The following ITGA6 variants were observed in gnomAD, a reference collection of about 807,000 sequenced individuals.
The protein encoded by ITGA6 is integrin subunit alpha 6, also known as integrin alpha-6.
A neutral mutation model predicts 133.6 loss-of-function variants in ITGA6; 63 were observed. That is an observed-to-expected ratio of 0.47 (90% confidence interval 0.38 to 0.58). The LOEUF (loss-of-function observed/expected upper bound fraction) is 0.58, where lower values mean the gene tolerates loss of function less well. Ranked by LOEUF, ITGA6 falls within the 20% of genes least tolerant of loss-of-function variation. ITGA6 has a pLI of 0.00. For synonymous variants in ITGA6, 434 were observed against 482.0 expected (o/e 0.90, Z 1.30); for missense variants, 1,068 against 1,309.4 (o/e 0.82, Z 2.85).
At chr2:172,441,819 TACAG>T (rs1446630507) in intron 1 of ITGA6, among the ~76,000 whole-genome samples, 4 of 152,210 alleles carry the variant, frequency 2.6e-5, no homozygotes, top group Non-Finnish European at 5.9e-5. Context: ...TGCAGCCAGC[TACAG>T]ACAGAGCTGT....
chr2:172,454,685 A>C (rs779036581), intron 1 of ITGA6, among the ~76,000 whole-genome samples: 1 of 152,186 alleles, frequency 6.6e-6, no homozygotes. Context: ...CTGCTGCTAC[A>C]TTAGGTTAAA....
At chr2:172,480,617 T>A (rs1181494211) in intron 11 of ITGA6, among the ~76,000 whole-genome samples, 1 of 152,208 alleles carries the variant, frequency 6.6e-6, no homozygotes, top group Non-Finnish European at 1.5e-5. Context: ...GCTTTGATAC[T>A]GACTGACCCA....
chr2:172,427,991 C>T (rs1464696730), intron 1 of ITGA6, 21 bp downstream of exon 1: 2 of 1,592,054 alleles, frequency 1.3e-6, no homozygotes, highest in South Asian at 1.1e-5. Context: ...AGACCCTTCC[C>T]ACCCCCACTG....
intron 23 of ITGA6, among the ~76,000 whole-genome samples, chr2:172,493,380 G>T (rs1387292503): frequency 1.3e-5 from 2 of 152,142 alleles, no homozygotes; most frequent in African/African-American, 4.8e-5. Flanking sequence ...AAGGCAGCAG[G>T]TATAGCTTTC....
intron 1 of ITGA6, among the ~76,000 whole-genome samples, chr2:172,452,501 C>T (rs1272896787): frequency 2.0e-5 from 3 of 152,136 alleles, no homozygotes; most frequent in African/African-American, 4.8e-5. Context: ...AGCATTTGCA[C>T]AGTGTGGGAG....
At chr2:172,486,509 A>C (rs1476724589) in intron 13 of ITGA6, among the ~76,000 whole-genome samples, 1 of 152,132 alleles carries the variant, frequency 6.6e-6, no homozygotes, top group African/African-American at 2.4e-5. Flanking sequence ...CCTGACCTTA[A>C]GCTCTCTGTT....
Position 172,485,200 on chromosome 2 carries a change from T to A in ITGA6, c.1790T>A (p.Val597Glu), listed in dbSNP as rs569331908. 10 of 1,613,896 alleles carry A rather than the reference T, an allele frequency of 6.2e-6. No individual in the cohort carries two copies. The highest frequency in any genetic ancestry group is 8.5e-6 in the Non-Finnish European group (10 of 1,179,822). ...EIQEPSSRRR[V>E]NSLPEVLPIL... ...CAAGAGCCAAGCTCTCGTAGGCGAG[T>A]GAATTCACTTCCAGAAGTTCTTCCA... The change falls in exon 13 of 26, where the codon GTG (valine) becomes GAG (glutamate). Residue 597 changes from valine to glutamate, a missense_variant. Around this residue, in one of 3 missense-constraint regions of ITGA6, gnomAD observed 609 missense variants for 707.2 expected, o/e 0.86. Coordinates refer to ENST00000684293, the MANE Select transcript of ITGA6 (RefSeq NM_000210.4).
chr2:172,454,379 G>A (rs1398418339), intron 1 of ITGA6, among the ~76,000 whole-genome samples: 2 of 152,140 alleles, frequency 1.3e-5, no homozygotes, highest in African/African-American at 4.8e-5. Flanking sequence ...GTAGGAGGAT[G>A]CCTGAAGGAG....
chr2:172,477,728 C>A (rs1254445983), intron 9 of ITGA6, among the ~76,000 whole-genome samples: 2 of 152,154 alleles, frequency 1.3e-5, no homozygotes, highest in African/African-American at 2.4e-5. Context: ...ATTCAACAAC[C>A]CTTTGATAAG....
chr2:172,483,719 G>A (rs1441631594), intron 11 of ITGA6, among the ~76,000 whole-genome samples: 1 of 152,176 alleles, frequency 6.6e-6, no homozygotes, highest in South Asian at 2.1e-4. Flanking sequence ...CCAGTGCAAG[G>A]TAGGCAGTTT....
At chr2:172,494,464 T>C (rs958127314) in intron 23 of ITGA6, among the ~76,000 whole-genome samples, 1 of 152,104 alleles carries the variant, frequency 6.6e-6, no homozygotes, top group Non-Finnish European at 1.5e-5. Flanking sequence ...GCCAAGAGTG[T>C]GCCACTACAC....
At position 172,504,106 on chromosome 2, in the gene ITGA6, C is replaced by T. The variant is rs1274185685; in HGVS notation, c.*38C>T. On this transcript the variant is annotated 3_prime_UTR_variant, in exon 26 of 26. Coordinates refer to ENST00000684293, the MANE Select transcript of ITGA6 (RefSeq NM_000210.4). ...TCTTCTCTAGTGTGGATTCTTTAAA[C>T]GCTCTAGGTACGATGACAGTGTTCC... is the stretch of plus-strand genomic sequence containing the variant. The T allele has an allele frequency of 5.0e-6, 8 of 1,588,140 alleles. No individual in the cohort carries two copies. The highest frequency in any genetic ancestry group is 1.8e-5 in the Admixed American group (1 of 55,864).
At chr2:172,449,204 G>C (rs2149013403) in intron 1 of ITGA6, among the ~76,000 whole-genome samples, 1 of 152,312 alleles carries the variant, frequency 6.6e-6, no homozygotes, top group African/African-American at 2.4e-5. Context: ...ACCCATGTCA[G>C]GGAATGTCTG....
At position 172,484,829 on chromosome 2, in the gene ITGA6, C is replaced by G. The variant is rs763196422; in HGVS notation, c.1597C>G (p.Leu533Val). ...TGAAAAAGAAAGAAGAAAATCTGGG[C>G]TATCCTCAAGAGTTCAGTTTCGAAA... ...EAEKERRKSG[L>V]SSRVQFRNQG... is the part of the protein sequence containing the mutation. Residue 533 changes from leucine (L) to valine (V), a missense_variant, in exon 12 of 26, where the codon CTA (leucine) becomes GTA (valine). Coordinates refer to ENST00000684293, the MANE Select transcript of ITGA6 (RefSeq NM_000210.4). 1.2e-6 allele frequency: 2 copies of G among 1,614,072 alleles called. No individual in the cohort carries two copies. The highest frequency in any genetic ancestry group is 2.2e-5 in the South Asian group (2 of 91,090).
intron 1 of ITGA6, among the ~76,000 whole-genome samples, chr2:172,456,677 A>G (rs910302287): frequency 2.6e-5 from 4 of 152,200 alleles, no homozygotes; most frequent in African/African-American, 9.7e-5. Flanking sequence ...ACCCCCAGGA[A>G]GAGAGGGATT....
rs374189888 is a variant in ITGA6, at chr2:172,491,035, C to T, written c.2691C>T (p.Asn897=). ...ATAATTTTTTTCAGGAGTCTCACAA[C>T]TCAAGAAAGAAACGGGAAATTACTG... ...INSLNLTESH[N]SRKKREITEK... The change falls in exon 21 of 26, where the codon AAC becomes AAT. Residue 897 remains asparagine, a synonymous_variant. Transcript: ENST00000684293. This position sits in a 1 kb window ranked among gnomAD's most constrained non-coding sequence, Gnocchi z 4.4. The T allele has an allele frequency of 5.1e-6, 8 of 1,562,680 alleles. No individual in the cohort carries two copies. The highest frequency in any genetic ancestry group is 7.1e-6 in the Non-Finnish European group (8 of 1,134,534).
intron 1 of ITGA6, among the ~76,000 whole-genome samples, chr2:172,449,315 C>T (rs1023488623): frequency 6.6e-6 from 1 of 152,148 alleles, no homozygotes; most frequent in Non-Finnish European, 1.5e-5. Flanking sequence ...TATAGAATGT[C>T]CTACAAATAT....
At chr2:172,489,354 T>C in intron 19 of ITGA6, 131 bp from the exon 20 acceptor site, 2 of 741,226 alleles carry the variant, frequency 2.7e-6, no homozygotes, top group South Asian at 3.4e-5. Flanking sequence ...CTATAGTCCA[T>C]TTTTGGAGCC....
At chr2:172,463,191 A>G (rs1462789551) in intron 1 of ITGA6, among the ~76,000 whole-genome samples, 2 of 152,186 alleles carry the variant, frequency 1.3e-5, no homozygotes, top group East Asian at 1.9e-4. Context: ...TGAATAGGTG[A>G]ACGAATGTGG....
Sources: gnomAD v4.1 joint callset for allele counts (sites outside exome capture counted in the v4.1 genomes callset) on GRCh38, gnomAD v4.1.1 for gene constraint, gnomAD v4.1.1 regional missense constraint, Gnocchi (gnomAD v3.1) non-coding constraint, MANE v1.5 for transcripts, NCBI Gene and HGNC (gene_info 2026-07-23, HGNC 2026-07-21) for gene names.